Variants in CCNB3 observed in about 807,000 individuals in gnomAD.
The protein encoded by CCNB3 is cyclin B3.
Under a neutral mutation model 68.0 loss-of-function variants are expected in CCNB3, and 12 were observed. That is an observed-to-expected ratio of 0.18 (90% confidence interval 0.11 to 0.29). The LOEUF is 0.29. Ranked by LOEUF, CCNB3 falls within the 10% of genes least tolerant of loss-of-function variation. The pLI, the probability that CCNB3 is intolerant of heterozygous loss-of-function variation, is 1.00. For synonymous variants in CCNB3, 354 were observed against 388.9 expected, an observed-to-expected ratio of 0.91 and a Z score of 1.06; for missense variants, 904 against 993.1, an observed-to-expected ratio of 0.91 and a Z score of 1.21.
chrX:50,341,056 G>A (rs1296277105), intron 8 of CCNB3, among the ~76,000 whole-genome samples: 7 of 111,814 alleles, frequency 6.3e-5, no homozygotes, highest in African/African-American at 1.3e-4. Flanking sequence ...TCAGCCAGGC[G>A]TGGTGGCTCA....
chrX:50,227,016 A>T (rs1330465065), intron 1 of CCNB3, among the ~76,000 whole-genome samples: 1 of 79,638 alleles, frequency 1.3e-5, no homozygotes, highest in East Asian at 3.6e-4. Context: ...GAAAATATAT[A>T]AAATATATAT....
At chrX:50,341,327 CTCAA>C (rs1923120684) in intron 8 of CCNB3, among the ~76,000 whole-genome samples, 1 of 54,358 alleles carries the variant, frequency 1.8e-5, no homozygotes, top group African/African-American at 5.4e-5. Flanking sequence ...GAAACTCCGT[CTCAA>C]TAAATAAATA....
chrX:50,307,842 T>C (rs1921163556), intron 5 of CCNB3, among the ~76,000 whole-genome samples: 2 of 111,977 alleles, frequency 1.8e-5, no homozygotes, highest in Non-Finnish European at 3.8e-5. Context: ...TTGGTGATTA[T>C]ATCTGCCTGA....
At chrX:50,283,073 C>T (rs1425441589) in intron 1 of CCNB3, among the ~76,000 whole-genome samples, 1 of 111,413 alleles carries the variant, frequency 9.0e-6, no homozygotes, top group Non-Finnish European at 1.9e-5. Flanking sequence ...TATTAAATGC[C>T]TGCCATGCAT....
intron 1 of CCNB3, among the ~76,000 whole-genome samples, chrX:50,284,225 G>C (rs188401582): frequency 1.8e-5 from 2 of 110,118 alleles, no homozygotes; most frequent in African/African-American, 6.6e-5. Flanking sequence ...CACCATCTTC[G>C]TCCTTAGGTA....
Position 50,209,527 on chromosome X carries a change from T to C in CCNB3, c.-113+4577T>C, listed in dbSNP as rs1439138100. Among the ~76,000 whole-genome samples, 6 of 111,296 alleles carry C rather than the reference T, an allele frequency of 5.4e-5. No individual in the cohort carries two copies. In the East Asian group the frequency reaches 1.7e-3, roughly 31 times the overall value. On this transcript the variant is annotated intron_variant, in intron 1 of 12. Coordinates refer to ENST00000376042, the MANE Select transcript of CCNB3 (RefSeq NM_033031.3). ...CCCGCCACTACGCCTGGCTAATTTTTGTATTTTTAGTAGCGATGGGGTTTC... is the reference window on the plus strand; with the variant it reads ...CCCGCCACTACGCCTGGCTAATTTTCGTATTTTTAGTAGCGATGGGGTTTC...
At chrX:50,223,207 C>A (rs1026698623) in intron 1 of CCNB3, among the ~76,000 whole-genome samples, 2,576 of 110,923 alleles carry the variant, frequency 0.023, 65 homozygotes, top group African/African-American at 0.081. Context: ...TGGGTTAGAA[C>A]ATGCTCCTTT....
At chrX:50,313,693 G>A (rs1921582693) in intron 7 of CCNB3, among the ~76,000 whole-genome samples, 163 bp from the exon 8 acceptor site, 1 of 111,921 alleles carries the variant, frequency 8.9e-6, no homozygotes, top group African/African-American at 3.2e-5. Flanking sequence ...ATTTCCCAAA[G>A]CATAACTGCA....
In CCNB3 at chrX:50,323,573, A is replaced by T. The variant is rs1363323858; in HGVS notation, c.3516+9625A>T. On this transcript the variant is annotated intron_variant, in intron 8 of 12. Transcript: ENST00000376042. ...CTAGAACTTAAAGTATAATAAAAAA[A>T]ATTTATTACTAGTATATTGGGAAAC... 2.7e-5 allele frequency among the ~76,000 whole-genome samples: 3 copies of T among 112,512 alleles called. No individual in the cohort carries two copies. The East Asian group carries it at 8.3e-4, about 31-fold the overall frequency.
intron 1 of CCNB3, among the ~76,000 whole-genome samples, chrX:50,227,995 T>G (rs1219188231): frequency 1.2e-5 from 1 of 83,713 alleles, no homozygotes; most frequent in Non-Finnish European, 2.2e-5. Flanking sequence ...TATAAATATA[T>G]ATAGAGAATA....
chrX:50,321,846 TCA>T (rs1272406706), intron 8 of CCNB3, among the ~76,000 whole-genome samples: 1 of 110,991 alleles, frequency 9.0e-6, no homozygotes, highest in Non-Finnish European at 1.9e-5. Context: ...CAGGAAAAAT[TCA>T]CAGACTTTAT....
intron 5 of CCNB3, among the ~76,000 whole-genome samples, chrX:50,296,276 C>T (rs782000883): frequency 1.3e-4 from 12 of 90,367 alleles, no homozygotes; most frequent in Non-Finnish European, 2.6e-4. Flanking sequence ...TATCCCTCCC[C>T]TCTCCCCCGA....
At chrX:50,302,010 G>A (rs781813604) in intron 5 of CCNB3, among the ~76,000 whole-genome samples, 72 of 112,533 alleles carry the variant, frequency 6.4e-4, no homozygotes, top group African/African-American at 2.0e-3. Context: ...GGGAGTGACC[G>A]GATTTTCCAG....
In CCNB3 at chrX:50,211,271, AAAAC is replaced by A. The variant is rs1413382577; in HGVS notation, c.-113+6325_-113+6328del. 4.5e-5 allele frequency among the ~76,000 whole-genome samples: 5 copies of A among 111,276 alleles called. No homozygotes were observed. In the Admixed American group the frequency reaches 4.8e-4, roughly 11 times the overall value. On this transcript the variant is annotated intron_variant, in intron 1 of 12. Transcript: ENST00000376042. ...GAGCAAGACTCTGTCTCAAAAGAAA[AAAAC>A]AAAACAAAACAAAACACAAAAACCT... is the stretch of plus-strand genomic sequence containing the variant.
chrX:50,286,612 GGT>G (rs1491388575), intron 3 of CCNB3, among the ~76,000 whole-genome samples: 6 of 95,895 alleles, frequency 6.3e-5, no homozygotes, highest in African/African-American at 2.6e-4. Context: ...CCCTCAGTTC[GGT>G]TTTTTTTTTT....
chrX:50,293,792 C>T (rs1300124831), intron 4 of CCNB3, among the ~76,000 whole-genome samples: 2 of 111,799 alleles, frequency 1.8e-5, no homozygotes, highest in Admixed American at 1.9e-4. Context: ...AGGATGTATA[C>T]TTTGAAGGTG....
rs927698219 is a variant in CCNB3 at position 50,280,365 on chromosome X, T to G, written c.-112-4177T>G. Among the ~76,000 whole-genome samples the G allele has an allele frequency of 2.0e-3, 208 of 105,044 alleles. 1 individual carries two copies. The highest frequency in any genetic ancestry group is 3.7e-3 in the Non-Finnish European group (189 of 51,527). 91.2% of individuals were successfully genotyped at this position (105,044 alleles called of 115,157 possible). ...CTAGTTCCTGGCACAAATCAGGTGA[T>G]TAATAAATGTTTGTTAAACAAACTA... On this transcript the variant is annotated intron_variant, in intron 1 of 12. Coordinates refer to ENST00000376042, the MANE Select transcript of CCNB3 (RefSeq NM_033031.3).
chrX:50,337,176 ACTT>A, intron 8 of CCNB3, among the ~76,000 whole-genome samples: 1 of 107,544 alleles, frequency 9.3e-6, no homozygotes, highest in South Asian at 4.4e-4. Context: ...CCATGGCTTC[ACTT>A]CTTCTTTTGT....
At chrX:50,330,857 T>G (rs1922559354) in intron 8 of CCNB3, among the ~76,000 whole-genome samples, 1 of 112,162 alleles carries the variant, frequency 8.9e-6, no homozygotes, top group Non-Finnish European at 1.9e-5. Context: ...AGACCTCTCC[T>G]TCAGCTGCTA....
Sources: gnomAD v4.1 joint callset for allele counts (sites outside exome capture counted in the v4.1 genomes callset) on GRCh38, gnomAD v4.1.1 for gene constraint, MANE v1.5 for transcripts, NCBI Gene and HGNC (gene_info 2026-07-23, HGNC 2026-07-21) for gene names.